Variants in PSPC1 observed in about 807,000 individuals in gnomAD.
PSPC1 encodes paraspeckle protein 1.
In PSPC1, 14 loss-of-function variants were observed where a neutral mutation model predicts 51.6. That is an observed-to-expected ratio of 0.27 (90% CI 0.18 to 0.42). The LOEUF (loss-of-function observed/expected upper bound fraction) is 0.42. Ranked by LOEUF, PSPC1 falls within the 10% of genes least tolerant of loss-of-function variation. PSPC1 has a pLI of 1.00. For missense variants in PSPC1, 406 were observed against 701.1 expected, an observed-to-expected ratio of 0.58 and a Z score of 4.75; for synonymous variants, 193 against 231.9, an observed-to-expected ratio of 0.83 and a Z score of 1.53.
At chr13:19,774,417 T>C (rs928546094) in intron 1 of PSPC1, among the ~76,000 whole-genome samples, 3 of 152,206 alleles carry the variant, frequency 2.0e-5, no homozygotes, top group Non-Finnish European at 2.9e-5. Context: ...AATCTACCTA[T>C]AGAATTATTT....
At chr13:19,679,072 C>G (rs1047096287) in intron 6 of PSPC1, 2 of 152,170 alleles carry the variant, frequency 1.3e-5, no homozygotes, top group Admixed American at 1.3e-4. Context: ...TTTTTTAAAA[C>G]AAGGCATGGC....
intron 6 of PSPC1, among the ~76,000 whole-genome samples, chr13:19,687,189 A>G (rs1722572287): frequency 6.6e-6 from 1 of 152,138 alleles, no homozygotes; most frequent in Non-Finnish European, 1.5e-5. Context: ...CAACAGAGTA[A>G]GACTCCATCT....
chr13:19,671,712 G>C, downstream of PSPC1: 1 of 819,468 alleles, frequency 1.2e-6, no homozygotes, highest in Middle Eastern at 2.3e-4. Flanking sequence ...AATGTAAATT[G>C]ATAAGCAACT....
At chr13:19,720,145 A>C (rs1264632532) in intron 6 of PSPC1, among the ~76,000 whole-genome samples, 2 of 152,192 alleles carry the variant, frequency 1.3e-5, no homozygotes, top group Admixed American at 1.3e-4. Context: ...CCTAAAAAAA[A>C]CAATGAGCAA....
chr13:19,779,763 G>T (rs1328115086), intron 1 of PSPC1, among the ~76,000 whole-genome samples: 1 of 77,546 alleles, frequency 1.3e-5, no homozygotes, highest in East Asian at 4.6e-4. Flanking sequence ...CCAGCCAGCC[G>T]GCCCGTCTGG....
intron 1 of PSPC1, among the ~76,000 whole-genome samples, chr13:19,780,127 G>T (rs1593798883): frequency 1.7e-5 from 1 of 60,278 alleles, no homozygotes; most frequent in African/African-American, 4.0e-5. Context: ...GCCCCGTCCG[G>T]GAGGGAGGTG....
chr13:19,724,894 G>T (rs1883187778), intron 6 of PSPC1, among the ~76,000 whole-genome samples: 1 of 152,124 alleles, frequency 6.6e-6, no homozygotes, highest in African/African-American at 2.4e-5. Flanking sequence ...AGCTATTTGG[G>T]AGGCTGAGGC....
chr13:19,779,815 T>G (rs1169532569), intron 1 of PSPC1, among the ~76,000 whole-genome samples: 1 of 70,360 alleles, frequency 1.4e-5, no homozygotes. Context: ...TACTGGGAAG[T>G]GAGGAGCCCC....
chr13:19,757,350 A>G (rs577272571), intron 3 of PSPC1, among the ~76,000 whole-genome samples: 69 of 152,240 alleles, frequency 4.5e-4, no homozygotes, highest in African/African-American at 1.6e-3. Context: ...ACCCCTAGCC[A>G]TCAAGAAACT....
At chr13:19,763,167 T>G (rs550394384) in intron 2 of PSPC1, among the ~76,000 whole-genome samples, 2 of 152,134 alleles carry the variant, frequency 1.3e-5, no homozygotes, top group Non-Finnish European at 2.9e-5. Flanking sequence ...ATTTATTCTT[T>G]TTTCTTGAGA....
chr13:19,752,067 A>C (rs1295317847), intron 3 of PSPC1, among the ~76,000 whole-genome samples: 2 of 152,168 alleles, frequency 1.3e-5, no homozygotes, highest in East Asian at 3.9e-4. Context: ...CAAAAAAAAG[A>C]AATATTTTAC....
At chr13:19,725,132 A>G (rs2340474) in intron 6 of PSPC1, among the ~76,000 whole-genome samples, 138,665 of 152,266 alleles carry the variant, frequency 0.91, 64,489 homozygotes, top group Non-Finnish European at 1. Flanking sequence ...AGCCAAGATC[A>G]CGCCACTGAA....
At chr13:19,756,769 A>G (rs2138177323) in intron 3 of PSPC1, among the ~76,000 whole-genome samples, 1 of 152,014 alleles carries the variant, frequency 6.6e-6, no homozygotes, top group Middle Eastern at 3.4e-3. Context: ...TGCTAGGATT[A>G]CACGTGTAAG....
chr13:19,766,028 T>G, intron 2 of PSPC1, among the ~76,000 whole-genome samples: 1 of 152,294 alleles, frequency 6.6e-6, no homozygotes, highest in South Asian at 2.1e-4. Flanking sequence ...AAGTACAAAA[T>G]TATTTTTGTA....
intron 2 of PSPC1, among the ~76,000 whole-genome samples, chr13:19,766,252 A>G (rs1291605887): frequency 6.6e-6 from 1 of 152,152 alleles, no homozygotes; most frequent in Non-Finnish European, 1.5e-5. Context: ...GAACATCTGT[A>G]ATCCCAGCTA....
intron 6 of PSPC1, among the ~76,000 whole-genome samples, chr13:19,710,129 C>T (rs1446166105): frequency 4.6e-5 from 7 of 151,754 alleles, no homozygotes; most frequent in African/African-American, 1.4e-4. Context: ...TATTCATCTA[C>T]TCAAGCATTA....
downstream of PSPC1, among the ~76,000 whole-genome samples, chr13:19,699,812 C>T (rs1011807630): frequency 2.6e-5 from 4 of 151,912 alleles, no homozygotes; most frequent in African/African-American, 9.7e-5. Flanking sequence ...ATATTTACTG[C>T]CTTATTCTTG....
chr13:19,737,804 G>C (rs534043981), intron 5 of PSPC1, among the ~76,000 whole-genome samples: 22 of 152,256 alleles, frequency 1.4e-4, no homozygotes, highest in African/African-American at 5.1e-4. Context: ...CAGCATATGG[G>C]GCAGGCATGG....
At chr13:19,688,437 G>A (rs1207498328) in intron 6 of PSPC1, among the ~76,000 whole-genome samples, 2 of 152,002 alleles carry the variant, frequency 1.3e-5, no homozygotes, top group Admixed American at 6.6e-5. Flanking sequence ...TTTTCCTTCC[G>A]TCTGCCTCTC....
Sources: gnomAD v4.1 joint callset for allele counts (sites outside exome capture counted in the v4.1 genomes callset) on GRCh38, gnomAD v4.1.1 for gene constraint, MANE v1.5 for transcripts, NCBI Gene and HGNC (gene_info 2026-07-23, HGNC 2026-07-21) for gene names.